Variants in MAGEC3 observed in about 807,000 individuals in gnomAD.
MAGEC3 encodes the protein MAGE family member C3.
A neutral mutation model predicts 35.3 loss-of-function variants in MAGEC3; 34 were observed. The observed-to-expected ratio is 0.96, with a 90% CI of 0.73 to 1.28. The LOEUF is 1.28. Among genes scored for constraint, MAGEC3 ranks in the 50% most tolerant of loss-of-function variants. The pLI is 0.00. For missense variants in MAGEC3, 561 were observed against 483.6 expected (o/e 1.16, Z -1.50); for synonymous variants, 202 against 185.6 (o/e 1.09, Z -0.72).
At chrX:141,869,569 TTA>T (rs766155685) in intron 2 of MAGEC3, among the ~76,000 whole-genome samples, 4 of 112,436 alleles carry the variant, frequency 3.6e-5, no homozygotes, top group Non-Finnish European at 5.6e-5. Flanking sequence ...TGCTTGATAT[TTA>T]TAAACATTTT....
At chrX:141,859,209 T>C in intron 1 of MAGEC3, among the ~76,000 whole-genome samples, 1 of 111,075 alleles carries the variant, frequency 9.0e-6, no homozygotes, top group Non-Finnish European at 1.9e-5. Flanking sequence ...ATAAGTGTTA[T>C]CAGATAGCTT....
Position 141,879,208 on chromosome X carries a change from C to A in MAGEC3, c.292C>A (p.Gln98Lys). ...WRTLSGSPGL[Q>K]LSDLHFGSQP... ...GACCCTATCAGGGTCCCCAGGTTTACAACTTTCTGACTTGCATTTTGGGAG... is the reference window on the plus strand; with the variant it reads ...GACCCTATCAGGGTCCCCAGGTTTAAAACTTTCTGACTTGCATTTTGGGAG... The change falls in exon 3 of 8, where the codon CAA becomes AAA. Residue 98 changes from glutamine to lysine, a missense_variant. Transcript: ENST00000298296. 8.3e-7 allele frequency: 1 copy of A among 1,200,548 alleles called. No individual in the cohort carries two copies. Among genetic ancestry groups the A allele is most frequent in the Non-Finnish European group, 1.1e-6 (1 of 889,664 alleles).
chrX:141,845,649 T>C (rs1203972176), intron 1 of MAGEC3, among the ~76,000 whole-genome samples: 1 of 111,161 alleles, frequency 9.0e-6, no homozygotes, highest in African/African-American at 3.3e-5. Context: ...TTATTTAATG[T>C]TTTATTATAG....
chrX:141,889,928 T>C (rs955783376), intron 4 of MAGEC3, among the ~76,000 whole-genome samples: 1 of 112,978 alleles, frequency 8.9e-6, no homozygotes, highest in African/African-American at 3.2e-5. Context: ...TTCTTTTCTT[T>C]AGTTAAAAAC....
At chrX:141,845,968 A>C (rs1222950704) in intron 1 of MAGEC3, among the ~76,000 whole-genome samples, 1 of 110,922 alleles carries the variant, frequency 9.0e-6, no homozygotes. Flanking sequence ...TTAAATAATA[A>C]ATTTTAAGCA....
At chrX:141,894,245 G>A (rs910276805) in intron 4 of MAGEC3, among the ~76,000 whole-genome samples, 2 of 111,998 alleles carry the variant, frequency 1.8e-5, no homozygotes, top group Admixed American at 1.9e-4. Context: ...GGAACTCCAC[G>A]CATTTGCTAA....
chrX:141,885,142 C>T (rs1289315095), intron 4 of MAGEC3, among the ~76,000 whole-genome samples: 3 of 111,496 alleles, frequency 2.7e-5, no homozygotes, highest in Admixed American at 1.9e-4. Flanking sequence ...CTGGCGGGCG[C>T]CTAGAGGTGA....
In MAGEC3 at chrX:141,868,055, G is replaced by A. The variant is rs60848706; in HGVS notation, c.258+2450G>A. 1.9e-3 allele frequency among the ~76,000 whole-genome samples: 206 copies of A among 110,596 alleles called. 1 individual carries two copies. The highest frequency in any genetic ancestry group is 6.4e-3 in the African/African-American group (195 of 30,405). On this transcript the variant is annotated intron_variant, in intron 2 of 7. Coordinates refer to ENST00000298296, the MANE Select transcript of MAGEC3 (RefSeq NM_138702.1). ...GCAGAATGGTGTGAACCCGGGAGGC[G>A]GAGCTTGCAGTGAGCCGAGATGGCG... is the stretch of plus-strand genomic sequence containing the variant.
chrX:141,845,033 T>C (rs2017708092), intron 1 of MAGEC3, among the ~76,000 whole-genome samples: 1 of 111,090 alleles, frequency 9.0e-6, no homozygotes, highest in South Asian at 3.7e-4. Context: ...TTCTTCTGCA[T>C]CAGCATTTTG....
intron 4 of MAGEC3, among the ~76,000 whole-genome samples, chrX:141,889,671 C>A (rs2018027161): frequency 9.0e-6 from 1 of 111,719 alleles, no homozygotes; most frequent in Non-Finnish European, 1.9e-5. Flanking sequence ...TATTACCATG[C>A]CCTGTGATTA....
intron 1 of MAGEC3, among the ~76,000 whole-genome samples, chrX:141,844,967 G>A (rs1389420801): frequency 9.1e-6 from 1 of 109,895 alleles, no homozygotes; most frequent in South Asian, 3.8e-4. Flanking sequence ...GCCATTCTAG[G>A]ATATAGTATA....
intron 2 of MAGEC3, among the ~76,000 whole-genome samples, chrX:141,865,942 C>G (rs1422333501): frequency 9.0e-6 from 1 of 111,560 alleles, no homozygotes; most frequent in Non-Finnish European, 1.9e-5. Flanking sequence ...GTAGCAACAA[C>G]TCTCCCTATC....
At chrX:141,873,263 C>G (rs1377172299) in intron 2 of MAGEC3, among the ~76,000 whole-genome samples, 2 of 110,979 alleles carry the variant, frequency 1.8e-5, no homozygotes, top group Non-Finnish European at 3.8e-5. Context: ...CATACCTCTT[C>G]CTGCAGCTGC....
At chrX:141,841,477 A>T (rs1346710958) in intron 1 of MAGEC3, among the ~76,000 whole-genome samples, 1 of 112,039 alleles carries the variant, frequency 8.9e-6, no homozygotes, top group African/African-American at 3.2e-5. Flanking sequence ...GAGTTTACCT[A>T]TATAACAAAC....
chrX:141,889,147 T>C (rs1008497376), intron 4 of MAGEC3, among the ~76,000 whole-genome samples: 1 of 112,264 alleles, frequency 8.9e-6, no homozygotes, highest in African/African-American at 3.2e-5. Context: ...AGCAGTTGCA[T>C]TGATAGAACA....
chrX:141,896,009 G>A, intron 6 of MAGEC3, among the ~76,000 whole-genome samples: 1 of 110,810 alleles, frequency 9.0e-6, no homozygotes, highest in Non-Finnish European at 1.9e-5. Context: ...AAGAGTGGTA[G>A]GGACATGGCC....
At chrX:141,880,868 A>G in intron 3 of MAGEC3, 1 of 1,115,494 alleles carries the variant, frequency 9.0e-7, no homozygotes, top group Non-Finnish European at 1.2e-6. Flanking sequence ...ACCATGGGTG[A>G]GTTTCTCAGC....
intron 4 of MAGEC3, among the ~76,000 whole-genome samples, chrX:141,889,798 G>T (rs937324597): frequency 8.9e-6 from 1 of 112,210 alleles, no homozygotes; most frequent in African/African-American, 3.2e-5. Context: ...CTGCCAAGGG[G>T]TTTGCTGAAA....
chrX:141,854,347 A>C (rs1479461752), intron 1 of MAGEC3, among the ~76,000 whole-genome samples: 3 of 111,122 alleles, frequency 2.7e-5, no homozygotes, highest in African/African-American at 9.8e-5. Context: ...TAGTGATTTC[A>C]AGCTAAGACC....
Sources: allele counts gnomAD v4.1 joint callset (sites outside exome capture counted in the v4.1 genomes callset), GRCh38; gene constraint gnomAD v4.1.1; transcripts MANE v1.5; gene names NCBI Gene and HGNC (gene_info 2026-07-23, HGNC 2026-07-21).